CR1L: variants seen among roughly 807,000 people sequenced by gnomAD.
CR1L encodes the protein complement component receptor 1-like protein.
A neutral mutation model predicts 62.3 loss-of-function variants in CR1L; 59 were observed. The observed-to-expected ratio is 0.95, with a 90% CI of 0.77 to 1.18. The LOEUF (loss-of-function observed/expected upper bound fraction) is 1.18. Among genes scored for constraint, CR1L ranks in the 50% most tolerant of loss-of-function variants. CR1L has a pLI of 0.00. For missense variants in CR1L, 700 were observed against 702.8 expected, an observed-to-expected ratio of 1.00 and a Z score of 0.04; for synonymous variants, 279 against 248.7, an observed-to-expected ratio of 1.12 and a Z score of -1.15.
At chr1:207,679,225 G>C (rs546567581) in intron 3 of CR1L, among the ~76,000 whole-genome samples, 237 of 137,548 alleles carry the variant, frequency 1.7e-3, no homozygotes, top group African/African-American at 6.4e-3. Flanking sequence ...GGATGGTCTC[G>C]ATCTCCTGAT....
chr1:207,675,358 G>C lies in CR1L; in HGVS notation c.98-2031G>C, dbSNP rs150667539. ...CATCAGACTAGATTGGGTGCGTTCAGGGTGGTATGGCCATAGACAGGCCAG... is the reference window on the plus strand; with the variant it reads ...CATCAGACTAGATTGGGTGCGTTCACGGTGGTATGGCCATAGACAGGCCAG... On this transcript the variant is annotated intron_variant, in intron 1 of 11. Transcript: ENST00000508064. Among the ~76,000 whole-genome samples, 726 of 152,324 alleles carry C rather than the reference G, an allele frequency of 4.8e-3. 6 individuals are homozygous for C. The highest frequency in any genetic ancestry group is 8.1e-3 in the Non-Finnish European group (549 of 68,036).
chr1:207,682,496 C>G (rs1221051902), intron 3 of CR1L, among the ~76,000 whole-genome samples: 3 of 151,956 alleles, frequency 2.0e-5, no homozygotes, highest in Non-Finnish European at 4.4e-5. Context: ...AAAATGATAT[C>G]GAAGTCACTA....
chr1:207,682,524 G>C (rs1663816943), intron 3 of CR1L, among the ~76,000 whole-genome samples: 1 of 152,084 alleles, frequency 6.6e-6, no homozygotes, highest in Admixed American at 6.6e-5. Context: ...CAACATAATA[G>C]CTACTATAAT....
intron 1 of CR1L, among the ~76,000 whole-genome samples, chr1:207,648,566 G>A (rs1663171686): frequency 7.1e-6 from 1 of 141,418 alleles, no homozygotes; most frequent in Non-Finnish European, 1.5e-5. Flanking sequence ...TTGCCAAATG[G>A]TTCCAGATAG....
intron 11 of CR1L, among the ~76,000 whole-genome samples, chr1:207,718,186 C>T (rs1446753809): frequency 6.6e-6 from 1 of 152,160 alleles, no homozygotes; most frequent in Non-Finnish European, 1.5e-5. Flanking sequence ...GTTCAAGCCG[C>T]TGACTATATT....
At chr1:207,709,742 C>G (rs1490921643) in intron 10 of CR1L, among the ~76,000 whole-genome samples, 9 of 146,538 alleles carry the variant, frequency 6.1e-5, no homozygotes, top group Non-Finnish European at 1.3e-4. Context: ...GAGGCTGCAG[C>G]AGGAGAATCA....
At chr1:207,708,699 C>T (rs1664308223) in intron 10 of CR1L, among the ~76,000 whole-genome samples, 1 of 152,190 alleles carries the variant, frequency 6.6e-6, no homozygotes, top group African/African-American at 2.4e-5. Flanking sequence ...GCCATCTTCC[C>T]TGTGAGTTGT....
rs376249786 is a variant in CR1L, at chr1:207,717,620, G to A, written c.1571G>A (p.Arg524His). 2.5e-5 allele frequency: 40 copies of A among 1,613,838 alleles called. 1 individual carries two copies. Among genetic ancestry groups the A allele is most frequent in the Admixed American group, 2.3e-4 (14 of 59,998 alleles). The change falls in exon 11 of 12, where the codon CGC becomes CAC. Residue 524 changes from arginine to histidine, a missense_variant. Physicochemically the swap from Arg to His is conservative, Grantham distance 29. Transcript: ENST00000508064. ...FNLIGESTIR[R>H]TSEPHGNGVW... ...CTCATTGGGGAGAGCACCATCCGCC[G>A]CACAAGTGAACCTCATGGGAATGGG...
At chr1:207,655,067 T>C (rs1663284163) in intron 1 of CR1L, 2 of 297,540 alleles carry the variant, frequency 6.7e-6, no homozygotes, top group East Asian at 8.6e-5. Flanking sequence ...TAGTATGTTG[T>C]TTAAGAAACC....
intron 1 of CR1L, among the ~76,000 whole-genome samples, chr1:207,676,377 G>A (rs1451441515): frequency 6.6e-6 from 1 of 152,114 alleles, no homozygotes; most frequent in Non-Finnish European, 1.5e-5. Context: ...GAGGTGAGCG[G>A]CCAAGCATTA....
chr1:207,687,935 C>T (rs1663937455), intron 4 of CR1L, among the ~76,000 whole-genome samples: 1 of 151,872 alleles, frequency 6.6e-6, no homozygotes, highest in African/African-American at 2.4e-5. Context: ...TAATAATATT[C>T]AATTTATGGG....
At chr1:207,716,946 C>T (rs1249493298) in intron 10 of CR1L, among the ~76,000 whole-genome samples, 5 of 152,186 alleles carry the variant, frequency 3.3e-5, no homozygotes, top group African/African-American at 7.2e-5. Context: ...AAGAGCCTTA[C>T]CAATGTAGTC....
intron 1 of CR1L, among the ~76,000 whole-genome samples, chr1:207,657,823 A>G (rs377626194): frequency 6.6e-6 from 1 of 152,244 alleles, no homozygotes; most frequent in Non-Finnish European, 1.5e-5. Context: ...ACAGAATAAC[A>G]GTGATTTAAA....
chr1:207,670,239 T>G (rs1663589728), intron 1 of CR1L, among the ~76,000 whole-genome samples: 1 of 151,046 alleles, frequency 6.6e-6, no homozygotes, highest in Non-Finnish European at 1.5e-5. Flanking sequence ...TGCACTTGAT[T>G]GACAGCATAC....
intron 1 of CR1L, among the ~76,000 whole-genome samples, chr1:207,673,425 A>G (rs1265977098): frequency 6.6e-6 from 1 of 152,228 alleles, no homozygotes; most frequent in Non-Finnish European, 1.5e-5. Context: ...TCTGTTCCTT[A>G]AAGGGTAAGT....
At position 207,708,250 on chromosome 1, in the gene CR1L, A is replaced by G. The variant is rs770492841; in HGVS notation, c.1401A>G (p.Pro467=). ...ATACTGCCCATTGGAGCATGAAGCC[A>G]CCAATTTGTCAACGTGAGTTGAAAT... The part of the protein sequence containing the change: ...SGNTAHWSMK[P]PICQQIFCPN... The change falls in exon 10 of 12, where the codon CCA becomes CCG. Residue 467 remains proline (P), a synonymous_variant. Transcript: ENST00000508064. The G allele has an allele frequency of 3.2e-5, 51 of 1,611,344 alleles. No homozygotes were observed. Among genetic ancestry groups the G allele is most frequent in the South Asian group, 1.1e-4 (10 of 90,970 alleles).
At chr1:207,717,228 T>C (rs1356994443) in intron 10 of CR1L, among the ~76,000 whole-genome samples, 1 of 152,188 alleles carries the variant, frequency 6.6e-6, no homozygotes, top group Non-Finnish European at 1.5e-5. Context: ...TGAACGTAGC[T>C]ACCTGGATGG....
At chr1:207,694,886 G>A in intron 5 of CR1L, 135 bp downstream of exon 5, 1 of 1,489,984 alleles carries the variant, frequency 6.7e-7, no homozygotes, top group South Asian at 1.4e-5. Flanking sequence ...TAGTGAACAT[G>A]AAATTCAGAA....
intron 1 of CR1L, among the ~76,000 whole-genome samples, chr1:207,655,027 A>G (rs1024038737): frequency 2.0e-5 from 3 of 152,242 alleles, no homozygotes; most frequent in Non-Finnish European, 4.4e-5. Flanking sequence ...ATTTGATTAA[A>G]TTGCAGATTT....
Sources: gnomAD v4.1 joint callset for allele counts (sites outside exome capture counted in the v4.1 genomes callset) on GRCh38, gnomAD v4.1.1 for gene constraint, MANE v1.5 for transcripts, NCBI Gene and HGNC (gene_info 2026-07-23, HGNC 2026-07-21) for gene names.